The following USP32 variants were observed in gnomAD, a reference collection of about 807,000 sequenced individuals.
USP32 encodes the protein ubiquitin specific peptidase 32.
Under a neutral mutation model 204.8 loss-of-function variants are expected in USP32, and 59 were observed. The ratio of observed to expected loss-of-function variants is 0.29; its 90% CI spans 0.23 to 0.36. USP32 has a LOEUF of 0.36. USP32 is among the 10% of genes least tolerant of loss of function. USP32 has a pLI of 1.00. For missense variants in USP32, 1,160 were observed against 1,946.4 expected, an observed-to-expected ratio of 0.60 and a Z score of 7.60; for synonymous variants, 517 against 678.4, an observed-to-expected ratio of 0.76 and a Z score of 3.70.
chr17:60,208,597 A>G (rs2084889657), intron 23 of USP32, 57 bp downstream of exon 23: 1 of 1,454,226 alleles, frequency 6.9e-7, no homozygotes, highest in Non-Finnish European at 9.1e-7. Flanking sequence ...AATTCAGGCT[A>G]TTTAAATAAA....
intron 2 of USP32, among the ~76,000 whole-genome samples, chr17:60,317,514 TAA>T (rs368825449): frequency 2.9e-4 from 32 of 109,534 alleles, no homozygotes; most frequent in Admixed American, 2.9e-4. Context: ...AGACCCTGTC[TAA>T]AAAAAAAAAA....
At chr17:60,225,626 T>C (rs1328906948) in intron 13 of USP32, among the ~76,000 whole-genome samples, 1 of 152,152 alleles carries the variant, frequency 6.6e-6, no homozygotes, top group East Asian at 1.9e-4. Flanking sequence ...CCATATTCAC[T>C]ACAGCCTCTG....
intron 11 of USP32, among the ~76,000 whole-genome samples, chr17:60,250,789 AG>A (rs201475723): frequency 6.6e-6 from 1 of 152,138 alleles, no homozygotes; most frequent in African/African-American, 2.4e-5. Flanking sequence ...CCATCTCAAA[AG>A]AAAAACCAAG....
intron 3 of USP32, 50 bp from the exon 4 acceptor site, chr17:60,294,851 A>G: frequency 1.6e-6 from 2 of 1,245,580 alleles, no homozygotes; most frequent in Non-Finnish European, 1.2e-6. Flanking sequence ...GACCAAATAT[A>G]CGTTGGTGGA....
chr17:60,252,307 C>T lies in USP32; in HGVS notation c.1136+74G>A, dbSNP rs2086188815. The T allele has an allele frequency of 4.5e-6, 5 of 1,116,682 alleles. No homozygotes were observed. In the Admixed American group the frequency reaches 6.3e-5, roughly 14 times the overall value. 69.2% of individuals were successfully genotyped at this position (1,116,682 alleles called of 1,614,324 possible). On this transcript the variant is annotated intron_variant, in intron 11 of 33. Transcript: ENST00000300896. Reference sequence around the variant, plus strand: ...AGTTAATGATTACATTAAAATAGGACATGCTGTTCCTCAGTAACCAATATA... The same window carrying T: ...AGTTAATGATTACATTAAAATAGGATATGCTGTTCCTCAGTAACCAATATA...
chr17:60,270,457 A>G (rs1333240075), intron 6 of USP32, among the ~76,000 whole-genome samples: 1 of 152,238 alleles, frequency 6.6e-6, no homozygotes, highest in Non-Finnish European at 1.5e-5. Flanking sequence ...TGGAAGCAGA[A>G]CCCAAGTATT....
intron 2 of USP32, among the ~76,000 whole-genome samples, chr17:60,302,585 C>T (rs1470590463): frequency 1.3e-5 from 2 of 152,184 alleles, no homozygotes; most frequent in Non-Finnish European, 2.9e-5. Flanking sequence ...GGAGTATCTG[C>T]ATATTACAGA....
At chr17:60,243,742 G>A (rs527588960) in intron 11 of USP32, among the ~76,000 whole-genome samples, 2 of 152,252 alleles carry the variant, frequency 1.3e-5, no homozygotes, top group Admixed American at 6.5e-5. Flanking sequence ...CTGACTAACT[G>A]CTGGCCTAGT....
intron 9 of USP32, among the ~76,000 whole-genome samples, chr17:60,259,216 C>T (rs562723780): frequency 1.3e-5 from 2 of 152,174 alleles, no homozygotes; most frequent in East Asian, 3.9e-4. Context: ...CTAGGAAACA[C>T]TGAGAAGATA....
intron 24 of USP32, 85 bp downstream of exon 24, chr17:60,207,974 T>C: frequency 6.8e-7 from 1 of 1,462,766 alleles, no homozygotes; most frequent in Non-Finnish European, 9.1e-7. Flanking sequence ...CTTGGTCACA[T>C]AACCTAACAA....
chr17:60,206,301 A>G (rs1302701455), intron 25 of USP32, among the ~76,000 whole-genome samples: 1 of 146,786 alleles, frequency 6.8e-6, no homozygotes, highest in Non-Finnish European at 1.5e-5. Flanking sequence ...TGGGTGACAG[A>G]GTGAGACCAT....
intron 2 of USP32, among the ~76,000 whole-genome samples, chr17:60,343,052 C>G (rs1010393824): frequency 1.5e-4 from 23 of 152,142 alleles, no homozygotes; most frequent in African/African-American, 5.1e-4. Flanking sequence ...ATTCGGCCAT[C>G]TTGGGCCATT....
chr17:60,299,241 C>A (rs555647477), intron 3 of USP32, among the ~76,000 whole-genome samples: 1 of 152,302 alleles, frequency 6.6e-6, no homozygotes, highest in East Asian at 1.9e-4. Context: ...TAAAACTTTT[C>A]TTAAAAATGA....
intron 2 of USP32, among the ~76,000 whole-genome samples, chr17:60,340,716 T>A (rs532192323): frequency 4.6e-5 from 7 of 152,340 alleles, no homozygotes; most frequent in South Asian, 2.1e-4. Flanking sequence ...GTCATTATGA[T>A]GTTAGCTGGT....
chr17:60,377,117 C>A (rs2089560569), intron 1 of USP32, among the ~76,000 whole-genome samples: 1 of 152,010 alleles, frequency 6.6e-6, no homozygotes, highest in African/African-American at 2.4e-5. Flanking sequence ...TATATATATG[C>A]CCATTAAGAT....
intron 7 of USP32, 50 bp from the exon 8 acceptor site, chr17:60,266,141 T>C: frequency 7.0e-7 from 1 of 1,431,562 alleles, no homozygotes; most frequent in Non-Finnish European, 9.8e-7. Context: ...TATTCTGAGG[T>C]ATAATATATT....
intron 30 of USP32, among the ~76,000 whole-genome samples, chr17:60,183,686 C>G (rs769612921): frequency 4.6e-5 from 7 of 152,352 alleles, no homozygotes; most frequent in African/African-American, 1.7e-4. Context: ...GGCACAGCCA[C>G]GTGACTGCGC....
rs1468804431 is a variant in USP32, at chr17:60,209,561, G to A, written c.2425-18C>T. 29 of 1,534,722 alleles carry A rather than the reference G, an allele frequency of 1.9e-5. No individual in the cohort carries two copies. The highest frequency in any genetic ancestry group is 2.5e-5 in the Non-Finnish European group (29 of 1,150,290). ...ATGGTCCACTATAAATATAAGAGAA[G>A]TCACAGTCATTATTTCCTACCCATA... On this transcript the variant is annotated intron_variant, in intron 21 of 33. Transcript: ENST00000300896.
intron 1 of USP32, among the ~76,000 whole-genome samples, chr17:60,388,510 A>G (rs1412208524): frequency 1.3e-5 from 2 of 152,204 alleles, no homozygotes; most frequent in Admixed American, 6.5e-5. Flanking sequence ...CACGTTTTTA[A>G]GAATACACAA....
Sources: gnomAD v4.1 joint callset for allele counts (sites outside exome capture counted in the v4.1 genomes callset) on GRCh38, gnomAD v4.1.1 for gene constraint, MANE v1.5 for transcripts, NCBI Gene and HGNC (gene_info 2026-07-23, HGNC 2026-07-21) for gene names.